NAALADL2: variants seen among roughly 807,000 people sequenced by gnomAD.
NAALADL2 encodes the protein N-acetylated alpha-linked acidic dipeptidase like 2.
NAALADL2 carries 76 observed loss-of-function variants against 87.2 expected under a neutral mutation model. The ratio of observed to expected loss-of-function variants is 0.87; its 90% CI spans 0.72 to 1.05. The LOEUF is 1.05. Ranked by LOEUF, NAALADL2 falls within the 50% of genes least tolerant of loss-of-function variation. NAALADL2 has a pLI of 0.00. For synonymous variants in NAALADL2, 354 were observed against 331.0 expected, an observed-to-expected ratio of 1.07 and a Z score of -0.75; for missense variants, 1,089 against 945.8, an observed-to-expected ratio of 1.15 and a Z score of -1.99.
At chr3:175,056,985 G>C (rs552924518) in intron 1 of NAALADL2, among the ~76,000 whole-genome samples, 2 of 152,310 alleles carry the variant, frequency 1.3e-5, no homozygotes, top group East Asian at 3.9e-4. Flanking sequence ...TTTGGGGCCA[G>C]TTTATGGCCA....
At chr3:175,754,990 C>A (rs1233735487) in intron 12 of NAALADL2, among the ~76,000 whole-genome samples, 2 of 152,048 alleles carry the variant, frequency 1.3e-5, no homozygotes, top group East Asian at 3.9e-4. Context: ...TCTCAAAGTT[C>A]AAAGTTTACT....
intron 5 of NAALADL2, among the ~76,000 whole-genome samples, chr3:175,327,148 C>CTCTTTTTTTTTTTT (rs1760811308): frequency 4.0e-5 from 4 of 99,504 alleles, no homozygotes; most frequent in African/African-American, 1.7e-4. Flanking sequence ...GTCTACATTT[C>CTCTTTTTTTTTTTT]TTTTTTTTTT....
chr3:175,281,880 T>C (rs1238920956), intron 4 of NAALADL2, among the ~76,000 whole-genome samples: 1 of 152,020 alleles, frequency 6.6e-6, no homozygotes, highest in African/African-American at 2.4e-5. Context: ...CAAAATACTT[T>C]ATGAGTTATT....
At chr3:175,031,565 T>C (rs1027299416) in intron 1 of NAALADL2, among the ~76,000 whole-genome samples, 1 of 152,128 alleles carries the variant, frequency 6.6e-6, no homozygotes, top group Non-Finnish European at 1.5e-5. Context: ...CTGTGAATAG[T>C]GCTGAGACAA....
intron 1 of NAALADL2, among the ~76,000 whole-genome samples, chr3:174,892,853 T>C (rs1339576053): frequency 7.0e-6 from 1 of 142,296 alleles, no homozygotes; most frequent in Non-Finnish European, 1.5e-5. Flanking sequence ...ACCTGAGAGG[T>C]GGAGGTTGCA....
chr3:175,177,959 T>TA (rs112810197), intron 2 of NAALADL2, among the ~76,000 whole-genome samples: 16,678 of 152,020 alleles, frequency 0.11, 1,044 homozygotes, highest in Admixed American at 0.16. Context: ...CATTGAAAAC[T>TA]ATATTGAAAT....
At chr3:175,196,051 A>G (rs1276027134) in intron 2 of NAALADL2, among the ~76,000 whole-genome samples, 1 of 151,930 alleles carries the variant, frequency 6.6e-6, no homozygotes, top group East Asian at 1.9e-4. Flanking sequence ...AATATTAAAT[A>G]AACTTTAAAA....
intron 3 of NAALADL2, among the ~76,000 whole-genome samples, chr3:174,849,628 G>C (rs1179947996): frequency 6.6e-6 from 1 of 150,754 alleles, no homozygotes; most frequent in Non-Finnish European, 1.5e-5. Context: ...CCAGCCACTT[G>C]GGAGGCTAAG....
chr3:174,675,880 A>G (rs1726994266), intron 2 of NAALADL2, among the ~76,000 whole-genome samples: 1 of 152,042 alleles, frequency 6.6e-6, no homozygotes, highest in Non-Finnish European at 1.5e-5. Flanking sequence ...TCCACAGACA[A>G]CCTCCTAGAA....
intron 4 of NAALADL2, among the ~76,000 whole-genome samples, chr3:175,280,131 C>G (rs1268006069): frequency 6.6e-6 from 1 of 151,882 alleles, no homozygotes; most frequent in Non-Finnish European, 1.5e-5. Flanking sequence ...GGCATCTGAT[C>G]TTCCTGGAAC....
chr3:174,994,499 T>A (rs1747166413), intron 1 of NAALADL2, among the ~76,000 whole-genome samples: 1 of 152,212 alleles, frequency 6.6e-6, no homozygotes, highest in Admixed American at 6.5e-5. Context: ...AATTACCTCA[T>A]ACACAGGTAC....
chr3:174,618,607 C>T (rs1004193926), intron 2 of NAALADL2, among the ~76,000 whole-genome samples: 5 of 151,778 alleles, frequency 3.3e-5, no homozygotes, highest in African/African-American at 1.2e-4. Flanking sequence ...ACCATTTCTG[C>T]AGTGTTACAG....
At chr3:175,799,908 A>G (rs1348194573) in intron 13 of NAALADL2, among the ~76,000 whole-genome samples, 1 of 152,218 alleles carries the variant, frequency 6.6e-6, no homozygotes, top group Admixed American at 6.5e-5. Context: ...GGAGAATAGC[A>G]AAGGGAAAAT....
intron 3 of NAALADL2, among the ~76,000 whole-genome samples, chr3:174,791,281 A>G (rs149764570): frequency 6.6e-6 from 1 of 152,280 alleles, no homozygotes; most frequent in African/African-American, 2.4e-5. Context: ...CTGTGGTCTG[A>G]ATGTTCGCAT....
intron 1 of NAALADL2, among the ~76,000 whole-genome samples, chr3:174,452,840 G>A (rs1410418065): frequency 6.6e-6 from 1 of 151,958 alleles, no homozygotes; most frequent in African/African-American, 2.4e-5. Flanking sequence ...GAAAGAACCA[G>A]TGCAAGAATT....
chr3:175,144,644 A>G (rs1730502364), intron 2 of NAALADL2, among the ~76,000 whole-genome samples: 1 of 151,848 alleles, frequency 6.6e-6, no homozygotes, highest in South Asian at 2.1e-4. Context: ...CTATATACAG[A>G]ATTTTGTGTG....
At chr3:175,727,642 T>C (rs962147103) in intron 11 of NAALADL2, among the ~76,000 whole-genome samples, 4 of 152,220 alleles carry the variant, frequency 2.6e-5, no homozygotes, top group Non-Finnish European at 5.9e-5. Flanking sequence ...ATCATTCTAA[T>C]GTCTTTGAAA....
chr3:174,836,239 A>C (rs1723314334), intron 3 of NAALADL2, among the ~76,000 whole-genome samples: 1 of 152,200 alleles, frequency 6.6e-6, no homozygotes. Context: ...AGTCGCAAAA[A>C]ATAGCCACTG....
chr3:175,442,891 A>G (rs892459892), intron 5 of NAALADL2, among the ~76,000 whole-genome samples: 1 of 152,190 alleles, frequency 6.6e-6, no homozygotes, highest in Non-Finnish European at 1.5e-5. Context: ...TTTGTATGGT[A>G]TCCTTTCTTT....
Sources: gnomAD v4.1 joint callset for allele counts (sites outside exome capture counted in the v4.1 genomes callset) on GRCh38, gnomAD v4.1.1 for gene constraint, MANE v1.5 for transcripts, NCBI Gene and HGNC (gene_info 2026-07-23, HGNC 2026-07-21) for gene names.